CRY1: variants seen among roughly 807,000 people sequenced by gnomAD.
The protein encoded by CRY1 is cryptochrome circadian regulator 1, also known as cryptochrome-1.
CRY1 carries 45 observed loss-of-function variants against 76.0 expected under a neutral mutation model. The ratio of observed to expected loss-of-function variants is 0.59; its 90% confidence interval spans 0.47 to 0.76. CRY1 has a LOEUF of 0.76. Among genes scored for constraint, CRY1 ranks in the 30% least tolerant of loss-of-function variants. The pLI, the probability that CRY1 is intolerant of heterozygous loss-of-function variation, is 0.00. For missense variants in CRY1, 587 were observed against 716.4 expected, an observed-to-expected ratio of 0.82 and a Z score of 2.06; for synonymous variants, 248 against 244.0, an observed-to-expected ratio of 1.02 and a Z score of -0.15.
intron 1 of CRY1, among the ~76,000 whole-genome samples, chr12:107,062,508 C>T (rs1042937369): frequency 4.6e-5 from 7 of 151,988 alleles, no homozygotes; most frequent in East Asian, 1.9e-4. Context: ...ACTGTGTCAG[C>T]GCTGACATAA....
At chr12:107,063,889 G>A (rs1232721810) in intron 1 of CRY1, among the ~76,000 whole-genome samples, 6 of 152,006 alleles carry the variant, frequency 3.9e-5, no homozygotes, top group Middle Eastern at 3.2e-3. Context: ...GAGCCACTGC[G>A]TCCAGCTGGG....
At chr12:107,080,828 T>C (rs945303939) in intron 1 of CRY1, among the ~76,000 whole-genome samples, 1 of 152,046 alleles carries the variant, frequency 6.6e-6, no homozygotes, top group African/African-American at 2.4e-5. Flanking sequence ...ATTAGACATC[T>C]TGCTCAAGAA....
chr12:106,995,282 C>T (rs753402004), intron 10 of CRY1, among the ~76,000 whole-genome samples: 6 of 152,110 alleles, frequency 3.9e-5, no homozygotes, highest in Non-Finnish European at 8.8e-5. Context: ...TGCTTTTGTC[C>T]CCTTCTCCCA....
chr12:107,062,041 A>G (rs10861699), intron 1 of CRY1, among the ~76,000 whole-genome samples: 65,522 of 138,320 alleles, frequency 0.47, 15,652 homozygotes, highest in East Asian at 0.69. Context: ...AAAAAAAAAA[A>G]AAAGAAAAAA....
chr12:107,040,130 T>C (rs914832609), intron 1 of CRY1, among the ~76,000 whole-genome samples: 10 of 152,148 alleles, frequency 6.6e-5, no homozygotes, highest in African/African-American at 2.4e-4. Flanking sequence ...TCCATTTATA[T>C]GAGGTATATA....
At chr12:107,032,971 G>A (rs1021176342) in intron 1 of CRY1, among the ~76,000 whole-genome samples, 3 of 151,930 alleles carry the variant, frequency 2.0e-5, no homozygotes, top group African/African-American at 7.3e-5. Flanking sequence ...AAGCCAAAAT[G>A]TATTATATGA....
intron 1 of CRY1, among the ~76,000 whole-genome samples, chr12:107,061,102 C>A (rs1369474748): frequency 1.3e-5 from 2 of 152,140 alleles, no homozygotes; most frequent in Non-Finnish European, 2.9e-5. Flanking sequence ...ATTAAAGGAT[C>A]TATGGCTATA....
intron 1 of CRY1, among the ~76,000 whole-genome samples, chr12:107,032,530 G>A (rs1952688885): frequency 7.6e-6 from 1 of 131,440 alleles, no homozygotes; most frequent in Non-Finnish European, 1.7e-5. Flanking sequence ...ACACACACAC[G>A]TCACAAATCC....
chr12:107,005,063 G>A, intron 3 of CRY1, 43 bp downstream of exon 3: 1 of 1,563,068 alleles, frequency 6.4e-7, no homozygotes, highest in Non-Finnish European at 8.7e-7. Context: ...TAAATATTAT[G>A]TTATACGCAT....
At chr12:107,070,651 G>A (rs1336550212) in intron 1 of CRY1, among the ~76,000 whole-genome samples, 3 of 150,326 alleles carry the variant, frequency 2.0e-5, no homozygotes, top group East Asian at 1.9e-4. Context: ...TAGCCACATC[G>A]CTGGATTCTC....
chr12:107,009,698 C>T (rs908831588), intron 2 of CRY1, among the ~76,000 whole-genome samples: 9 of 150,048 alleles, frequency 6.0e-5, no homozygotes, highest in Non-Finnish European at 1.0e-4. Flanking sequence ...GGCTTGAGCA[C>T]AGGAGTTCGA....
At chr12:107,077,637 A>G (rs1340494716) in intron 1 of CRY1, among the ~76,000 whole-genome samples, 1 of 152,126 alleles carries the variant, frequency 6.6e-6, no homozygotes. Flanking sequence ...TCTTGACTAA[A>G]AGTTATCTAT....
chr12:107,002,048 T>A, intron 3 of CRY1, 100 bp from the exon 4 acceptor site: 1 of 977,120 alleles, frequency 1.0e-6, no homozygotes, highest in Non-Finnish European at 1.5e-6. Flanking sequence ...ATAAAATTAA[T>A]CACTGAAGTC....
intron 1 of CRY1, among the ~76,000 whole-genome samples, chr12:107,061,282 T>C (rs1953043702): frequency 6.6e-6 from 1 of 152,178 alleles, no homozygotes; most frequent in Non-Finnish European, 1.5e-5. Context: ...CTCACTACTA[T>C]AAGCACTCAG....
At chr12:107,044,190 G>A (rs1952827117) in intron 1 of CRY1, among the ~76,000 whole-genome samples, 1 of 152,156 alleles carries the variant, frequency 6.6e-6, no homozygotes, top group African/African-American at 2.4e-5. Flanking sequence ...CTGGACATCT[G>A]CACCTGGAAC....
At chr12:107,030,378 T>C (rs995807676) in intron 1 of CRY1, among the ~76,000 whole-genome samples, 3 of 152,214 alleles carry the variant, frequency 2.0e-5, no homozygotes, top group Non-Finnish European at 4.4e-5. Flanking sequence ...TGGATGTCTC[T>C]GACTCCAAAC....
At chr12:107,020,073 T>TAGA (rs1952537265) in intron 2 of CRY1, among the ~76,000 whole-genome samples, 1 of 152,202 alleles carries the variant, frequency 6.6e-6, no homozygotes, top group Non-Finnish European at 1.5e-5. Flanking sequence ...TATGCTTTCT[T>TAGA]GTTAGAACTC....
chr12:107,032,130 C>T (rs915617713), intron 1 of CRY1, among the ~76,000 whole-genome samples: 6 of 152,056 alleles, frequency 3.9e-5, no homozygotes, highest in African/African-American at 7.2e-5. Context: ...GACGGGGTTT[C>T]GCCACGTTGG....
chr12:107,000,067 A>G lies in CRY1; in HGVS notation c.700T>C (p.Phe234Leu). 6.2e-7 allele frequency: 1 copy of G among 1,601,436 alleles called. No individual in the cohort carries two copies. Among genetic ancestry groups the G allele is most frequent in the Non-Finnish European group, 8.5e-7 (1 of 1,176,658 alleles). ...TTCGCATTCATTCGAGGTCTTTCAA[A>G]ATTTGCCACCCAAGCCTGAAAACAC... ...HLERKAWVAN[F>L]ERPRMNANSL... Residue 234 changes from phenylalanine to leucine, a missense_variant, in exon 6 of 13, where the codon TTT becomes CTT. Transcript: ENST00000008527.
Sources: gnomAD v4.1 joint callset for allele counts (sites outside exome capture counted in the v4.1 genomes callset) on GRCh38, gnomAD v4.1.1 for gene constraint, MANE v1.5 for transcripts, NCBI Gene and HGNC (gene_info 2026-07-23, HGNC 2026-07-21) for gene names.